MRC1: variants seen among roughly 807,000 people sequenced by gnomAD.
The protein encoded by MRC1 is macrophage mannose receptor 1.
In MRC1, 62 loss-of-function variants were observed where a neutral mutation model predicts 102.9. That is an observed-to-expected ratio of 0.60 (90% CI 0.49 to 0.74). MRC1 has a LOEUF of 0.74. Ranked by LOEUF, MRC1 falls within the 30% of genes least tolerant of loss-of-function variation. MRC1 has a pLI of 0.00. For synonymous variants in MRC1, 457 were observed against 298.4 expected (o/e 1.53, Z -5.48); for missense variants, 1,237 against 862.8 (o/e 1.43, Z -5.43).
intron 22 of MRC1, among the ~76,000 whole-genome samples, chr10:17,892,083 T>G (rs951988068): frequency 6.6e-6 from 1 of 152,350 alleles, no homozygotes; most frequent in East Asian, 1.9e-4. Flanking sequence ...CCGCAGTTAG[T>G]TAGGCACTGG....
At chr10:17,906,809 A>T in intron 26 of MRC1, 77 bp from the exon 27 acceptor site, 1 of 780,048 alleles carries the variant, frequency 1.3e-6, no homozygotes, top group Non-Finnish European at 2.4e-6. Context: ...GTTGCTCTCA[A>T]TAGCAGTGCT....
At chr10:17,901,458 G>A (rs1161695249) in intron 25 of MRC1, among the ~76,000 whole-genome samples, 3 of 152,192 alleles carry the variant, frequency 2.0e-5, no homozygotes. Flanking sequence ...GGAGGCCGAG[G>A]CGGGCAGATC....
chr10:17,849,557 C>CA, intron 6 of MRC1, 22 bp from the exon 7 acceptor site: 2 of 450,038 alleles, frequency 4.4e-6, no homozygotes, highest in Non-Finnish European at 3.8e-6. Flanking sequence ...AATTTTTTTC[C>CA]GACCCCCCTT....
rs1833499049 is a variant in MRC1, at chr10:17,880,558, A to G, written c.2753A>G (p.Asn918Ser). Reference sequence around the variant, plus strand: ...AATGACATTAACTGTGGCTATCCAAACGCCTTCATTTGCCAGCGACATAAC... The same window carrying G: ...AATGACATTAACTGTGGCTATCCAAGCGCCTTCATTTGCCAGCGACATAAC... ...FWNDINCGYP[N>S]AFICQRHNSS... Residue 918 changes from asparagine (N) to serine (S), a missense_variant, in exon 20 of 30, where the codon AAC (asparagine) becomes AGC (serine). By Grantham distance (46) the Asn-to-Ser change is conservative. Transcript: ENST00000569591. The G allele has an allele frequency of 2.6e-6, 2 of 780,692 alleles. No homozygotes were observed. The highest frequency in any genetic ancestry group is 1.7e-5 in the African/African-American group (1 of 59,106). The allele number at this position is 780,692 out of a possible 1,614,324, so 48.4% of individuals were successfully genotyped here. A position where few individuals can be genotyped will look rare whatever the true frequency, so the allele number is the denominator to read the frequency against.
chr10:17,840,781 T>C lies in MRC1; in HGVS notation c.891T>C (p.Pro297=), dbSNP rs976068147. ...GTTGGCAGTGGAGTGACCGCAGTCC[T>C]TTCCGATATTTGAACTGGTTACCAG... ...NSGWQWSDRS[P]FRYLNWLPGS... The change falls in exon 5 of 30, where the codon CCT becomes CCC. Residue 297 remains proline (P), a synonymous_variant. Coordinates refer to ENST00000569591, the MANE Select transcript of MRC1 (RefSeq NM_002438.4). 1.4e-5 allele frequency: 11 copies of C among 780,790 alleles called. No individual in the cohort carries two copies. Among genetic ancestry groups the C allele is most frequent in the South Asian group, 1.3e-4 (10 of 74,620 alleles). 48.4% of individuals were successfully genotyped at this position (780,790 alleles called of 1,614,324 possible).
intron 22 of MRC1, among the ~76,000 whole-genome samples, chr10:17,892,479 G>T (rs1185367210): frequency 3.9e-5 from 6 of 152,194 alleles, no homozygotes; most frequent in African/African-American, 9.6e-5. Flanking sequence ...GCAGCTGTTT[G>T]TCTTGTGACC....
chr10:17,885,279 C>T lies in MRC1; in HGVS notation c.2991C>T (p.Thr997=). 1 of 780,710 alleles carries T rather than the reference C, an allele frequency of 1.3e-6. No individual in the cohort carries two copies. The highest frequency in any genetic ancestry group is 1.3e-5 in the South Asian group (1 of 74,604). 48.4% of individuals were successfully genotyped at this position (780,710 alleles called of 1,614,324 possible). Residue 997 remains threonine (T), a synonymous_variant, in exon 22 of 30, where the codon ACC becomes ACT. Transcript: ENST00000569591. ...GAAATTTTCTTTCAGCATTTCTTAC[C>T]TATCACATGAAGGACTCCACTTTCA... is the stretch of plus-strand genomic sequence containing the variant. The part of the protein sequence containing the change: ...IQNEKEQAFL[T]YHMKDSTFSA...
chr10:17,813,700 A>ATATATATATATT (rs1401200082), intron 1 of MRC1, among the ~76,000 whole-genome samples: 3 of 125,692 alleles, frequency 2.4e-5, no homozygotes, highest in East Asian at 2.2e-4. Context: ...ATATATATAT[A>ATATATATATATT]TTTTTTTTTT....
chr10:17,844,552 T>A (rs1327685468), intron 5 of MRC1, among the ~76,000 whole-genome samples: 1 of 152,180 alleles, frequency 6.6e-6, no homozygotes, highest in African/African-American at 2.4e-5. Context: ...GTTTGGAACA[T>A]CATGTATTCT....
In MRC1 at chr10:17,856,094, TG is replaced by T. The variant is rs1423554625; in HGVS notation, c.1408-145del. 3 of 647,462 alleles carry T rather than the reference TG, an allele frequency of 4.6e-6. No homozygotes were observed. In the African/African-American group the frequency reaches 6.0e-5, roughly 13 times the overall value. The allele number at this position is 647,462 out of a possible 1,614,324, so 40.1% of individuals were successfully genotyped here. ...CTGAGGCAGGAGAATCACTTGAACC[TG>T]GGAGGCAGAGGTTGCCATGAGCCAA... On this transcript the variant is annotated intron_variant, in intron 8 of 29. Coordinates refer to ENST00000569591, the MANE Select transcript of MRC1 (RefSeq NM_002438.4).
chr10:17,860,309 T>C (rs1833165775), intron 9 of MRC1, among the ~76,000 whole-genome samples: 3 of 151,478 alleles, frequency 2.0e-5, no homozygotes, highest in Non-Finnish European at 4.4e-5. Flanking sequence ...TCTCACTTTG[T>C]CACTCAGGCT....
intron 1 of MRC1, among the ~76,000 whole-genome samples, chr10:17,814,653 C>T (rs943203114): frequency 4.7e-5 from 7 of 150,310 alleles, no homozygotes; most frequent in South Asian, 2.1e-4. Flanking sequence ...CCTGCAGTTC[C>T]GTGTTCTCGG....
chr10:17,815,907 A>C (rs1589162218), intron 1 of MRC1, among the ~76,000 whole-genome samples: 1 of 151,906 alleles, frequency 6.6e-6, no homozygotes, highest in East Asian at 1.9e-4. Flanking sequence ...GCTCACTGCA[A>C]CCTCCGCCTT....
At chr10:17,873,694 T>C in intron 15 of MRC1, 90 bp from the exon 16 acceptor site, 3 of 818,512 alleles carry the variant, frequency 3.7e-6, no homozygotes, top group South Asian at 1.3e-5. Flanking sequence ...TTTTTAGCAA[T>C]ATTGACTCAT....
At chr10:17,865,124 GC>G (rs1833246262) in intron 11 of MRC1, among the ~76,000 whole-genome samples, 1 of 152,096 alleles carries the variant, frequency 6.6e-6, no homozygotes, top group Admixed American at 6.5e-5. Flanking sequence ...ATCCCTTATA[GC>G]AAATATTTCA....
intron 1 of MRC1, among the ~76,000 whole-genome samples, chr10:17,810,371 C>T (rs1838203727): frequency 1.3e-5 from 2 of 152,264 alleles, no homozygotes; most frequent in South Asian, 4.1e-4. Context: ...AATCAACAAA[C>T]ACTTGCAGAG....
intron 2 of MRC1, among the ~76,000 whole-genome samples, chr10:17,825,558 T>G (rs1461153548): frequency 1.3e-5 from 2 of 152,100 alleles, no homozygotes; most frequent in African/African-American, 4.8e-5. Flanking sequence ...TTGGGCAACC[T>G]AGTGAGACCT....
chr10:17,857,014 T>A (rs1295874210), intron 9 of MRC1, among the ~76,000 whole-genome samples: 1 of 152,338 alleles, frequency 6.6e-6, no homozygotes, highest in East Asian at 1.9e-4. Context: ...TTCTACTTTC[T>A]CATTTTCTTT....
At chr10:17,867,080 C>T (rs1305613833) in intron 12 of MRC1, among the ~76,000 whole-genome samples, 1 of 148,970 alleles carries the variant, frequency 6.7e-6, no homozygotes, top group Non-Finnish European at 1.5e-5. Flanking sequence ...TCCATTCCCC[C>T]CTTGCCCTCT....
Sources: allele counts gnomAD v4.1 joint callset (sites outside exome capture counted in the v4.1 genomes callset), GRCh38; gene constraint gnomAD v4.1.1; transcripts MANE v1.5; gene names NCBI Gene and HGNC (gene_info 2026-07-23, HGNC 2026-07-21).